Variants in ZNF704 observed in about 807,000 individuals in gnomAD.
The protein encoded by ZNF704 is zinc finger protein 704.
In ZNF704, 10 loss-of-function variants were observed where a neutral mutation model predicts 44.7. The ratio of observed to expected loss-of-function variants is 0.22; its 90% CI spans 0.14 to 0.38. ZNF704 has a LOEUF of 0.38. Ranked by LOEUF, ZNF704 falls within the 10% of genes least tolerant of loss-of-function variation. The probability of loss-of-function intolerance (pLI) is 1.00; values close to 1 mark genes in which losing one functional copy is unlikely to be tolerated. For synonymous variants in ZNF704, 211 were observed against 207.6 expected, an observed-to-expected ratio of 1.02 and a Z score of -0.14; for missense variants, 390 against 545.5, an observed-to-expected ratio of 0.71 and a Z score of 2.84.
chr8:80,701,417 A>T (rs10808843), intron 2 of ZNF704, among the ~76,000 whole-genome samples: 125,205 of 151,600 alleles, frequency 0.83, 52,319 homozygotes, highest in African/African-American at 0.96. Flanking sequence ...CCTCTAGGCA[A>T]GGTCTTTGTC....
chr8:80,751,310 A>G (rs948677135), intron 2 of ZNF704, among the ~76,000 whole-genome samples: 1 of 152,148 alleles, frequency 6.6e-6, no homozygotes, highest in Non-Finnish European at 1.5e-5. Flanking sequence ...CAAGAGCCCT[A>G]TAAGGAAGAG....
chr8:80,653,082 A>C (rs1377267930), intron 7 of ZNF704, among the ~76,000 whole-genome samples: 4 of 152,212 alleles, frequency 2.6e-5, no homozygotes, highest in Non-Finnish European at 5.9e-5. Flanking sequence ...TGATTATCTC[A>C]ATAGATGCAG....
intron 2 of ZNF704, among the ~76,000 whole-genome samples, chr8:80,767,578 A>G (rs1246698385): frequency 6.6e-6 from 1 of 152,218 alleles, no homozygotes; most frequent in Non-Finnish European, 1.5e-5. Flanking sequence ...AAGCAGAAAG[A>G]AAAACATTCA....
chr8:80,699,286 C>A (rs1818772884), intron 2 of ZNF704, among the ~76,000 whole-genome samples: 2 of 152,094 alleles, frequency 1.3e-5, no homozygotes, highest in African/African-American at 4.8e-5. Flanking sequence ...ACTTCATTTC[C>A]ATTTTGAAGA....
At chr8:80,851,276 G>A (rs1021279510) in intron 1 of ZNF704, among the ~76,000 whole-genome samples, 57 of 152,244 alleles carry the variant, frequency 3.7e-4, no homozygotes, top group Admixed American at 3.2e-3. Flanking sequence ...GCAAATGTAT[G>A]TTTATAGCAG....
chr8:80,658,880 T>A (rs1193633995), intron 7 of ZNF704: 3 of 152,220 alleles, frequency 2.0e-5, no homozygotes, highest in Non-Finnish European at 4.4e-5. Context: ...TCTGTTATCA[T>A]AAGCCACTTC....
chr8:80,818,227 T>C (rs1006982872), intron 2 of ZNF704, among the ~76,000 whole-genome samples: 6 of 152,142 alleles, frequency 3.9e-5, no homozygotes, highest in Non-Finnish European at 5.9e-5. Context: ...AAGCAAAAGA[T>C]AAAGTGAGAA....
chr8:80,878,287 A>G (rs951542422), upstream of ZNF704, among the ~76,000 whole-genome samples: 22 of 151,956 alleles, frequency 1.4e-4, no homozygotes, highest in African/African-American at 4.8e-4. Flanking sequence ...GAAGGAAGGA[A>G]GGAAGGAAGG....
At chr8:80,716,782 G>C (rs113368388) in intron 2 of ZNF704, among the ~76,000 whole-genome samples, 2 of 152,210 alleles carry the variant, frequency 1.3e-5, no homozygotes, top group African/African-American at 4.8e-5. Context: ...AAGAACTCAA[G>C]AATCTATTCA....
In ZNF704 at chr8:80,764,709, G is replaced by A. The variant is rs546185501; in HGVS notation, c.221+56665C>T. On this transcript the variant is annotated intron_variant, in intron 2 of 8. Coordinates refer to ENST00000327835, the MANE Select transcript of ZNF704 (RefSeq NM_001033723.3). Reference sequence around the variant, plus strand: ...AAAGTTTGGTTATTGCTTGGCCATTGTAATTAAGTGATTTTCTGCTTTTGC... The same window carrying A: ...AAAGTTTGGTTATTGCTTGGCCATTATAATTAAGTGATTTTCTGCTTTTGC... Among the ~76,000 whole-genome samples, 5 of 152,294 alleles carry A rather than the reference G, an allele frequency of 3.3e-5. No individual in the cohort carries two copies. The East Asian group carries it at 9.6e-4, about 29-fold the overall frequency.
chr8:80,879,185 C>A (rs1379680687), upstream of ZNF704, among the ~76,000 whole-genome samples: 2 of 151,948 alleles, frequency 1.3e-5, no homozygotes. Flanking sequence ...AGCCAAATAC[C>A]CATTATTAAA....
intron 7 of ZNF704, among the ~76,000 whole-genome samples, chr8:80,652,617 G>C (rs1222330986): frequency 1.3e-5 from 2 of 152,160 alleles, no homozygotes; most frequent in African/African-American, 4.8e-5. Context: ...GACTAAACCA[G>C]GAAGAAGTTG....
At chr8:80,856,590 TC>T (rs940909602) in intron 1 of ZNF704, among the ~76,000 whole-genome samples, 1 of 152,176 alleles carries the variant, frequency 6.6e-6, no homozygotes, top group African/African-American at 2.4e-5. Flanking sequence ...TTTTTGTTTT[TC>T]TTCCTTCCAG....
intron 4 of ZNF704, among the ~76,000 whole-genome samples, chr8:80,677,527 T>C (rs903154505): frequency 6.6e-6 from 1 of 152,202 alleles, no homozygotes; most frequent in Non-Finnish European, 1.5e-5. Context: ...CAACAGCAAT[T>C]GTTTATCTCC....
chr8:80,803,981 T>C (rs962773626), intron 2 of ZNF704, among the ~76,000 whole-genome samples: 2 of 151,770 alleles, frequency 1.3e-5, no homozygotes, highest in African/African-American at 4.8e-5. Context: ...CAAGTAAATT[T>C]AGAAGAAACA....
At chr8:80,643,204 G>A (rs1212188108) in intron 7 of ZNF704, 75 bp from the exon 8 acceptor site, 15 of 1,079,618 alleles carry the variant, frequency 1.4e-5, no homozygotes, top group Non-Finnish European at 1.9e-5. Context: ...TTGCTGTGTG[G>A]ACACTGATCC....
intron 2 of ZNF704, among the ~76,000 whole-genome samples, chr8:80,757,139 G>T (rs922989121): frequency 3.9e-5 from 6 of 152,160 alleles, no homozygotes; most frequent in Non-Finnish European, 4.4e-5. Flanking sequence ...CCTGAGGCAG[G>T]TCCTTTAGAG....
chr8:80,644,297 T>C (rs1269304648), intron 7 of ZNF704, among the ~76,000 whole-genome samples: 1 of 152,134 alleles, frequency 6.6e-6, no homozygotes, highest in Admixed American at 6.5e-5. Context: ...CCCTCAGTCA[T>C]AGAGGAGGGC....
chr8:80,824,075 G>A (rs945917596), intron 1 of ZNF704, among the ~76,000 whole-genome samples: 8 of 152,202 alleles, frequency 5.3e-5, no homozygotes, highest in Admixed American at 3.9e-4. Context: ...GATGGAGAAT[G>A]ACTTTAACGA....
Sources: allele counts gnomAD v4.1 joint callset (sites outside exome capture counted in the v4.1 genomes callset), GRCh38; gene constraint gnomAD v4.1.1; transcripts MANE v1.5; gene names NCBI Gene and HGNC (gene_info 2026-07-23, HGNC 2026-07-21).